TRAPPC8: variants seen among roughly 807,000 people sequenced by gnomAD.
TRAPPC8 encodes the protein general sporulation gene 1 homolog.
A neutral mutation model predicts 174.3 loss-of-function variants in TRAPPC8; 54 were observed. The observed-to-expected ratio is 0.31, with a 90% CI of 0.25 to 0.39. The LOEUF (loss-of-function observed/expected upper bound fraction) is 0.39. Ranked by LOEUF, TRAPPC8 falls within the 10% of genes least tolerant of loss-of-function variation. The pLI is 1.00. For synonymous variants in TRAPPC8, 630 were observed against 579.9 expected, an observed-to-expected ratio of 1.09 and a Z score of -1.24; for missense variants, 1,531 against 1,699.1, an observed-to-expected ratio of 0.90 and a Z score of 1.74.
intron 12 of TRAPPC8, among the ~76,000 whole-genome samples, chr18:31,882,608 G>A (rs1201384392): frequency 1.3e-5 from 2 of 151,806 alleles, no homozygotes; most frequent in African/African-American, 4.8e-5. Flanking sequence ...TCCTGAATTT[G>A]TAATTATTTT....
rs1476205441 is a variant in TRAPPC8 at position 31,880,115 on chromosome 18, ATATATATTT to A, written c.1729-5420_1729-5412del. ...AATATATATATATATATATATATAT[ATATATATTT>A]TTTTTTTTTTAAGGAAGAAAGATTC... On this transcript the variant is annotated intron_variant, in intron 12 of 28. Transcript: ENST00000283351. 2.3e-3 allele frequency among the ~76,000 whole-genome samples: 217 copies of A among 92,660 alleles called. 3 individuals are homozygous for A. Among genetic ancestry groups the A allele is most frequent in the Middle Eastern group, 0.013 (2 of 156 alleles). 60.8% of individuals were successfully genotyped at this position (92,660 alleles called of 152,430 possible).
intron 20 of TRAPPC8, among the ~76,000 whole-genome samples, chr18:31,857,129 A>G (rs1275002513): frequency 6.6e-6 from 1 of 152,244 alleles, no homozygotes; most frequent in East Asian, 1.9e-4. Context: ...CTTGTGGGGC[A>G]AGGGGGAACA....
intron 16 of TRAPPC8, 138 bp downstream of exon 16, chr18:31,870,234 C>T (rs540354287): frequency 2.9e-6 from 2 of 680,286 alleles, no homozygotes; most frequent in South Asian, 4.2e-5. Flanking sequence ...AAAATAAGTA[C>T]ATATCATAAT....
intron 12 of TRAPPC8, among the ~76,000 whole-genome samples, chr18:31,885,663 A>C (rs2035671810): frequency 6.6e-6 from 1 of 152,010 alleles, no homozygotes; most frequent in Non-Finnish European, 1.5e-5. Flanking sequence ...GTTCGAGACC[A>C]ACCTGACCAA....
intron 12 of TRAPPC8, among the ~76,000 whole-genome samples, chr18:31,880,294 CAAATT>C (rs967309980): frequency 6.6e-6 from 1 of 151,022 alleles, no homozygotes; most frequent in African/African-American, 2.4e-5. Context: ...ATCAAAAAGT[CAAATT>C]AATCACAATC....
chr18:31,865,718 A>G (rs1464322108), intron 18 of TRAPPC8, among the ~76,000 whole-genome samples: 1 of 151,796 alleles, frequency 6.6e-6, no homozygotes, highest in African/African-American at 2.4e-5. Context: ...GTTACATACA[A>G]GTGGGAAAAG....
At chr18:31,867,107 G>T (rs2034624330) in intron 17 of TRAPPC8, 132 bp from the exon 18 acceptor site, 3 of 952,810 alleles carry the variant, frequency 3.1e-6, no homozygotes, top group Non-Finnish European at 3.0e-6. Context: ...TTTATGAAAA[G>T]CATCTTCTTC....
In TRAPPC8 at chr18:31,916,294, C is replaced by T; in HGVS notation, c.595G>A (p.Val199Ile). 1.3e-6 allele frequency: 2 copies of T among 1,573,056 alleles called. No homozygotes were observed. Among genetic ancestry groups the T allele is most frequent in the Non-Finnish European group, 1.7e-6 (2 of 1,162,870 alleles). Residue 199 changes from valine to isoleucine, a missense_variant, in exon 4 of 29, where the codon GTA becomes ATA. Coordinates refer to ENST00000283351, the MANE Select transcript of TRAPPC8 (RefSeq NM_014939.5). ...TLKYYVLLHDVSAGDEQRAES... is the reference protein window; with the variant it reads ...TLKYYVLLHDISAGDEQRAES... ...TACCTCTGTTCATCTCCTGCACTTA[C>T]ATCATGTAAAAGTACATAGTATTTA...
intron 19 of TRAPPC8, among the ~76,000 whole-genome samples, chr18:31,863,616 G>A (rs577186968): frequency 3.3e-5 from 5 of 152,260 alleles, no homozygotes; most frequent in African/African-American, 9.6e-5. Context: ...ATATATAAGT[G>A]CACAATGCAA....
chr18:31,862,383 A>G (rs2034374461), intron 19 of TRAPPC8, among the ~76,000 whole-genome samples: 2 of 152,070 alleles, frequency 1.3e-5, no homozygotes, highest in East Asian at 3.8e-4. Context: ...ACTGACACAG[A>G]AAGAAATAAG....
intron 6 of TRAPPC8, 68 bp from the exon 7 acceptor site, chr18:31,909,078 C>T: frequency 7.3e-7 from 1 of 1,368,834 alleles, no homozygotes; most frequent in Non-Finnish European, 9.7e-7. Flanking sequence ...TACTACCATA[C>T]TGCTAAAGAA....
At chr18:31,854,232 G>C (rs1271918734) in intron 21 of TRAPPC8, among the ~76,000 whole-genome samples, 1 of 152,072 alleles carries the variant, frequency 6.6e-6, no homozygotes, top group African/African-American at 2.4e-5. Flanking sequence ...GCTATTGGTA[G>C]TATTTAAAAG....
At chr18:31,831,304 T>C (rs535992281) in intron 28 of TRAPPC8, among the ~76,000 whole-genome samples, 22 of 152,278 alleles carry the variant, frequency 1.4e-4, no homozygotes, top group Admixed American at 1.1e-3. Context: ...TGAGCTGAGA[T>C]TGCACCACTG....
At chr18:31,894,140 T>C (rs1040169554) in intron 11 of TRAPPC8, among the ~76,000 whole-genome samples, 1 of 152,206 alleles carries the variant, frequency 6.6e-6, no homozygotes, top group African/African-American at 2.4e-5. Context: ...CTCTTGCATG[T>C]GGAGAATCAG....
At chr18:31,938,272 A>G (rs1411064319) in intron 1 of TRAPPC8, among the ~76,000 whole-genome samples, 1 of 152,018 alleles carries the variant, frequency 6.6e-6, no homozygotes, top group African/African-American at 2.4e-5. Flanking sequence ...AGGATCTCAA[A>G]ATTTGTGTCA....
At chr18:31,912,013 C>T (rs1408781020) in intron 5 of TRAPPC8, among the ~76,000 whole-genome samples, 1 of 151,990 alleles carries the variant, frequency 6.6e-6, no homozygotes, top group African/African-American at 2.4e-5. Context: ...CATCAAACGC[C>T]CATCAACTTA....
chr18:31,893,864 C>T (rs1341196744), intron 11 of TRAPPC8, among the ~76,000 whole-genome samples: 1 of 152,010 alleles, frequency 6.6e-6, no homozygotes, highest in African/African-American at 2.4e-5. Context: ...AAATAATATA[C>T]ACACACACAC....
intron 4 of TRAPPC8, among the ~76,000 whole-genome samples, chr18:31,915,478 G>A (rs1421589565): frequency 4.6e-5 from 6 of 129,988 alleles, no homozygotes; most frequent in East Asian, 2.3e-4. Flanking sequence ...AAGGGGGGGG[G>A]GGCGCAGGCG....
At chr18:31,919,888 A>G (rs1446850901) in intron 2 of TRAPPC8, among the ~76,000 whole-genome samples, 1 of 151,976 alleles carries the variant, frequency 6.6e-6, no homozygotes, top group Non-Finnish European at 1.5e-5. Flanking sequence ...AATAAAAATA[A>G]AAGAGGAAAA....
Sources: allele counts gnomAD v4.1 joint callset (sites outside exome capture counted in the v4.1 genomes callset), GRCh38; gene constraint gnomAD v4.1.1; transcripts MANE v1.5; gene names NCBI Gene and HGNC (gene_info 2026-07-23, HGNC 2026-07-21).